CUL3: variants seen among roughly 807,000 people sequenced by gnomAD.
The protein encoded by CUL3 is cullin 3, also known as cullin-3.
In CUL3, 19 loss-of-function variants were observed where a neutral mutation model predicts 89.1. That is an observed-to-expected ratio of 0.21 (90% CI 0.15 to 0.31). CUL3 has a LOEUF of 0.31. CUL3 is among the 10% of genes least tolerant of loss of function. CUL3 has a pLI of 1.00. For synonymous variants in CUL3, 351 were observed against 308.4 expected, an observed-to-expected ratio of 1.14 and a Z score of -1.45; for missense variants, 469 against 942.3, an observed-to-expected ratio of 0.50 and a Z score of 6.58.
At chr2:224,505,476 C>T (rs1348793073) in intron 8 of CUL3, among the ~76,000 whole-genome samples, 13 of 152,126 alleles carry the variant, frequency 8.5e-5, no homozygotes. Flanking sequence ...TGCTCTGTCG[C>T]CCAGCATAGA....
intron 1 of CUL3, chr2:224,569,549 T>A (rs1451774408): frequency 1.2e-5 from 3 of 259,000 alleles, no homozygotes; most frequent in African/African-American, 6.9e-5. Context: ...CAGAAAAGTA[T>A]CAATAACAAA....
chr2:224,542,840 CAA>C (rs1311618539), intron 2 of CUL3, among the ~76,000 whole-genome samples: 9 of 152,238 alleles, frequency 5.9e-5, no homozygotes, highest in African/African-American at 1.9e-4. Flanking sequence ...TGACAGGAGA[CAA>C]CAGCAGGAAT....
At position 224,497,792 on chromosome 2, in the gene CUL3, A is replaced by G; in HGVS notation, c.1668T>C (p.Ser556=). Residue 556 remains serine (S), a synonymous_variant, in exon 12 of 16, where the codon TCT becomes TCC. Coordinates refer to ENST00000264414, the MANE Select transcript of CUL3 (RefSeq NM_003590.5). ...CATAAAATGTGGCATTGAGATCTGC[A>G]GAACCCATATGATGCTGGAGTGTGA... is the stretch of plus-strand genomic sequence containing the variant. ...RQLTLQHHMG[S]ADLNATFYGP... is the part of the protein sequence containing the mutation. 1 of 1,614,014 alleles carries G rather than the reference A, an allele frequency of 6.2e-7. No individual in the cohort carries two copies. Among genetic ancestry groups the G allele is most frequent in the South Asian group, 1.1e-5 (1 of 91,080 alleles).
chr2:224,482,318 A>T (rs1031207368), intron 13 of CUL3, among the ~76,000 whole-genome samples: 3 of 152,120 alleles, frequency 2.0e-5, no homozygotes, highest in African/African-American at 7.2e-5. Context: ...TTGTTTCAGG[A>T]GATACAATGG....
In CUL3 at chr2:224,472,120, A is replaced by G; in HGVS notation, c.*2125T>C. 1 of 229,522 alleles carries G rather than the reference A, an allele frequency of 4.4e-6. No homozygotes were observed. The highest frequency in any genetic ancestry group is 8.6e-6 in the Non-Finnish European group (1 of 115,846). 14.2% of individuals were successfully genotyped at this position (229,522 alleles called of 1,614,324 possible). ...CAGCATCACATCGCCAGCAATCTCC[A>G]ACCATTCAACTGCAATTCAGAAATG... On this transcript the variant is annotated 3_prime_UTR_variant, in exon 16 of 16. Transcript: ENST00000264414.
At chr2:224,506,681 A>G (rs1001641181) in intron 7 of CUL3, among the ~76,000 whole-genome samples, 177 bp downstream of exon 7, 4 of 152,214 alleles carry the variant, frequency 2.6e-5, no homozygotes, top group Non-Finnish European at 4.4e-5. Flanking sequence ...TAGCTCCCTG[A>G]TATAAATACG....
intron 11 of CUL3, among the ~76,000 whole-genome samples, chr2:224,498,466 T>C (rs1370858083): frequency 2.6e-5 from 4 of 152,202 alleles, no homozygotes; most frequent in Non-Finnish European, 4.4e-5. Context: ...CCCTTCACTC[T>C]TAGAATTCCT....
intron 8 of CUL3, 175 bp from the exon 9 acceptor site, chr2:224,503,997 T>C: frequency 2.0e-6 from 1 of 500,282 alleles, no homozygotes; most frequent in South Asian, 3.4e-5. Context: ...AGTAGCATCA[T>C]TCTTACATTC....
chr2:224,530,325 C>T (rs1301555071), intron 3 of CUL3, among the ~76,000 whole-genome samples: 2 of 152,020 alleles, frequency 1.3e-5, no homozygotes, highest in African/African-American at 4.8e-5. Flanking sequence ...GAAGTTTCTT[C>T]TCTCCTCCTG....
At chr2:224,492,760 ATG>A (rs1692032783) in intron 13 of CUL3, among the ~76,000 whole-genome samples, 1 of 152,202 alleles carries the variant, frequency 6.6e-6, no homozygotes, top group South Asian at 2.1e-4. Flanking sequence ...ACCCTGGTAT[ATG>A]TTAATCTTGT....
chr2:224,585,120 A>C lies in CUL3; in HGVS notation c.-111T>G. ...CGACGCTGGGGGCGGCGGCGGCGCG[A>C]CCCCCGGGCAGGGCTGGGGAGCTGG... is the stretch of plus-strand genomic sequence containing the variant. On this transcript the variant is annotated 5_prime_UTR_variant, in exon 1 of 16. Transcript: ENST00000264414. 1 of 783,752 alleles carries C rather than the reference A, an allele frequency of 1.3e-6. No individual in the cohort carries two copies. The highest frequency in any genetic ancestry group is 1.7e-6 in the Non-Finnish European group (1 of 582,416). The allele number at this position is 783,752 out of a possible 1,614,324, so 48.5% of individuals were successfully genotyped here.
chr2:224,474,405 T>C (rs1691242065), intron 15 of CUL3, 29 bp from the exon 16 acceptor site: 1 of 1,594,286 alleles, frequency 6.3e-7, no homozygotes, highest in African/African-American at 1.4e-5. Flanking sequence ...AGTATTTTTA[T>C]ATAAACACAT....
chr2:224,532,077 T>A (rs769832939), intron 3 of CUL3, among the ~76,000 whole-genome samples: 1 of 152,334 alleles, frequency 6.6e-6, no homozygotes, highest in African/African-American at 2.4e-5. Flanking sequence ...AACTGAATGA[T>A]AGTGATTATG....
At chr2:224,512,341 T>A (rs1692862883) in intron 5 of CUL3, among the ~76,000 whole-genome samples, 1 of 152,036 alleles carries the variant, frequency 6.6e-6, no homozygotes, top group African/African-American at 2.4e-5. Context: ...AGTGATCCAC[T>A]CGTCTCAGCC....
intron 2 of CUL3, among the ~76,000 whole-genome samples, chr2:224,538,628 A>G (rs756151335): frequency 3.3e-5 from 5 of 152,206 alleles, no homozygotes; most frequent in Non-Finnish European, 5.9e-5. Flanking sequence ...AGATAATTAA[A>G]GAAAACCTAT....
chr2:224,484,687 T>C (rs191126153), intron 13 of CUL3, among the ~76,000 whole-genome samples: 9 of 152,366 alleles, frequency 5.9e-5, no homozygotes, highest in Middle Eastern at 3.4e-3. Flanking sequence ...ATTATTTATA[T>C]AGATTTGCAC....
chr2:224,543,270 T>C (rs1421960100), intron 2 of CUL3, among the ~76,000 whole-genome samples: 4 of 152,148 alleles, frequency 2.6e-5, no homozygotes, highest in African/African-American at 4.8e-5. Flanking sequence ...GGTCCAAATA[T>C]AGACAAATCC....
At chr2:224,514,860 T>A in intron 3 of CUL3, 88 bp from the exon 4 acceptor site, 1 of 970,008 alleles carries the variant, frequency 1.0e-6, no homozygotes, top group Non-Finnish European at 1.5e-6. Context: ...GGAAATAAAA[T>A]TCCAAAAGCA....
intron 2 of CUL3, among the ~76,000 whole-genome samples, chr2:224,553,620 C>A (rs991226599): frequency 2.0e-5 from 3 of 152,068 alleles, no homozygotes; most frequent in Non-Finnish European, 4.4e-5. Context: ...AGAGGTGGGG[C>A]CTTTGGGAGG....
Sources: allele counts gnomAD v4.1 joint callset (sites outside exome capture counted in the v4.1 genomes callset), GRCh38; gene constraint gnomAD v4.1.1; transcripts MANE v1.5; gene names NCBI Gene and HGNC (gene_info 2026-07-23, HGNC 2026-07-21).